Variants in TSBP1 observed in about 807,000 individuals in gnomAD.
TSBP1 encodes the protein testis-expressed basic protein 1.
A neutral mutation model predicts 68.8 loss-of-function variants in TSBP1; 56 were observed. The ratio of observed to expected loss-of-function variants is 0.81; its 90% CI spans 0.66 to 1.02. The LOEUF is 1.02. Ranked by LOEUF, TSBP1 falls within the 50% of genes least tolerant of loss-of-function variation. The pLI is 0.00. For missense variants in TSBP1, 502 were observed against 641.2 expected, an observed-to-expected ratio of 0.78 and a Z score of 2.34; for synonymous variants, 171 against 208.7, an observed-to-expected ratio of 0.82 and a Z score of 1.56.
chr6:32,362,284 G>A (rs57352279), intron 6 of TSBP1, among the ~76,000 whole-genome samples: 1,387 of 32,340 alleles, frequency 0.043, 18 homozygotes, highest in African/African-American at 0.081. Context: ...GCCAGACTCC[G>A]TCTCAAAAAA....
intron 22 of TSBP1, among the ~76,000 whole-genome samples, chr6:32,298,582 A>G (rs1463608957): frequency 1.3e-5 from 2 of 152,162 alleles, no homozygotes; most frequent in African/African-American, 2.4e-5. Context: ...TTTGTCCAAA[A>G]AAAAAAAAAT....
chr6:32,300,289 T>G (rs1184896280), intron 21 of TSBP1, among the ~76,000 whole-genome samples: 1 of 152,196 alleles, frequency 6.6e-6, no homozygotes, highest in Non-Finnish European at 1.5e-5. Flanking sequence ...GTTTGAAAAA[T>G]GTATATTGTT....
chr6:32,332,474 A>T lies in TSBP1; in HGVS notation c.473-420T>A, dbSNP rs117566794. The stretch of plus-strand genomic sequence containing the variant: ...ATATGTTCCAGAGGTAGACATTAGA[A>T]TAGGAGGTAAGAATCTAGTTTCTTC... On this transcript the variant is annotated intron_variant, in intron 14 of 22. Coordinates refer to ENST00000612031, the Ensembl canonical transcript of TSBP1. 6.7e-3 allele frequency among the ~76,000 whole-genome samples: 1,021 copies of T among 152,334 alleles called. 19 individuals are homozygous for T. The highest frequency in any genetic ancestry group is 0.02 in the East Asian group (102 of 5,192).
chr6:32,308,614 AAATT>A (rs1447357636), intron 19 of TSBP1, among the ~76,000 whole-genome samples: 1 of 94,382 alleles, frequency 1.1e-5, no homozygotes. Flanking sequence ...AAAAAAAAAA[AAATT>A]TTGCTTTTTA....
chr6:32,325,701 C>G lies in TSBP1; in HGVS notation c.515-2087G>C. The G allele has an allele frequency of 5.6e-6, 6 of 1,068,150 alleles. No homozygotes were observed. Among genetic ancestry groups the G allele is most frequent in the Non-Finnish European group, 8.6e-6 (6 of 697,460 alleles). The allele number at this position is 1,068,150 out of a possible 1,614,324, so 66.2% of individuals were successfully genotyped here. ...GATGACCATGACTCCGTGGATAAGA[C>G]TGTCATTCAGAAATACCACAGTGTG... On this transcript the variant is annotated intron_variant, in intron 16 of 22. Transcript: ENST00000612031. The surrounding 1 kb of genome is among the most constrained non-coding windows in gnomAD (Gnocchi z 4.4).
chr6:32,310,041 G>A (rs1766227014), intron 19 of TSBP1, among the ~76,000 whole-genome samples: 1 of 152,100 alleles, frequency 6.6e-6, no homozygotes, highest in Non-Finnish European at 1.5e-5. Context: ...TTAACATAAT[G>A]ACCTTCATTT....
rs974323883 is a variant in TSBP1 at position 32,335,835 on chromosome 6, T to C, written c.451+77A>G. On this transcript the variant is annotated intron_variant, in intron 13 of 22. Transcript: ENST00000612031. This position sits in a 1 kb window ranked among gnomAD's most constrained non-coding sequence, Gnocchi z 5.5. The stretch of plus-strand genomic sequence containing the variant: ...ACTCCAAACCCTTGAAATCCCAACA[T>C]GGAAACCAGGTAGCGATCCCTAAGA... The C allele has an allele frequency of 5.0e-6, 6 of 1,189,154 alleles. No homozygotes were observed. The Admixed American group carries it at 9.0e-5, about 18-fold the overall frequency. The allele number at this position is 1,189,154 out of a possible 1,614,324, so 73.7% of individuals were successfully genotyped here. A position where few individuals can be genotyped will look rare whatever the true frequency, so the allele number is the denominator to read the frequency against.
In TSBP1 at chr6:32,315,243, T is replaced by C. The variant is rs1766821525; in HGVS notation, c.580+529A>G. Among the ~76,000 whole-genome samples the C allele has an allele frequency of 6.6e-6, 1 of 152,156 alleles. No individual in the cohort carries two copies. Among genetic ancestry groups the C allele is most frequent in the South Asian group, 2.1e-4 (1 of 4,824 alleles). ...TAAAAATTGAGTCACTGTTGGTATG[T>C]GTTACCTTGGAAGTTGGGTTTAGAA... On this transcript the variant is annotated intron_variant, in intron 19 of 22. Coordinates refer to ENST00000612031, the Ensembl canonical transcript of TSBP1. The surrounding 1 kb of genome is among the most constrained non-coding windows in gnomAD (Gnocchi z 5.4).
chr6:32,339,583 A>G lies in TSBP1; in HGVS notation c.388+17T>C, dbSNP rs943601134. 4.8e-6 allele frequency: 6 copies of G among 1,245,482 alleles called. No homozygotes were observed. In the African/African-American group the frequency reaches 5.7e-5, roughly 12 times the overall value. The allele number at this position is 1,245,482 out of a possible 1,614,324, so 77.2% of individuals were successfully genotyped here. On this transcript the variant is annotated intron_variant, in intron 10 of 22. Transcript: ENST00000612031. Reference sequence around the variant, plus strand: ...GTCAGTAAAAAAAGGACTGAGTTGTATATATGGGAAACTTACAAGGAGGTT... The same window carrying G: ...GTCAGTAAAAAAAGGACTGAGTTGTGTATATGGGAAACTTACAAGGAGGTT...
chr6:32,324,490 C>T, intron 16 of TSBP1: 1 of 898,244 alleles, frequency 1.1e-6, no homozygotes, highest in South Asian at 1.4e-5. Flanking sequence ...AGTCTTAAAA[C>T]TTTCCAGTAC....
intron 14 of TSBP1, among the ~76,000 whole-genome samples, chr6:32,332,601 T>TTTTG (rs1562126436): frequency 4.0e-5 from 6 of 150,120 alleles, no homozygotes; most frequent in South Asian, 2.1e-4. Context: ...CTTCTGTTTT[T>TTTTG]TTTTGTTTTG....
At chr6:32,331,558 C>T (rs1156676637) in intron 15 of TSBP1, among the ~76,000 whole-genome samples, 1 of 152,176 alleles carries the variant, frequency 6.6e-6, no homozygotes, top group Non-Finnish European at 1.5e-5. Flanking sequence ...ACCACCTGAA[C>T]ACAAGGTGGA....
At position 32,299,247 on chromosome 6, in the gene TSBP1, G is replaced by A. The variant is rs117993148; in HGVS notation, c.637+675C>T. 6.7e-3 allele frequency among the ~76,000 whole-genome samples: 1,019 copies of A among 152,276 alleles called. 18 individuals carry two copies. The highest frequency in any genetic ancestry group is 0.02 in the East Asian group (103 of 5,176). ...AATGGGGAATAATAATACCTACCAG[G>A]CAGGCATATGGTAAGAATAAGAGAT... On this transcript the variant is annotated intron_variant, in intron 22 of 22. Transcript: ENST00000612031.
rs564206673 is a variant in TSBP1, at chr6:32,358,971, G to T, written c.218-3302C>A. Among the ~76,000 whole-genome samples the T allele has an allele frequency of 2.0e-3, 306 of 149,414 alleles. 1 individual carries two copies. The highest frequency in any genetic ancestry group is 6.9e-3 in the Middle Eastern group (2 of 290). On this transcript the variant is annotated intron_variant, in intron 6 of 22. Coordinates refer to ENST00000612031, the Ensembl canonical transcript of TSBP1. ...TTAGGGTACATGTGCACAATGTGCA[G>T]GTTAGTTACATATGTATACATGTGC... is the stretch of plus-strand genomic sequence containing the variant.
rs573114343 is a variant in TSBP1, at chr6:32,365,393, T to C, written c.217+774A>G. ...GGCTCATTTGGGGACTCAGCCTAGA[T>C]GGGAGAGTGAAATGTGTGAAAGGCA... On this transcript the variant is annotated intron_variant, in intron 6 of 22. Coordinates refer to ENST00000612031, the Ensembl canonical transcript of TSBP1. The surrounding 1 kb of genome is among the most constrained non-coding windows in gnomAD (Gnocchi z 4.3). 2.2e-6 allele frequency: 1 copy of C among 457,238 alleles called. No homozygotes were observed. Among genetic ancestry groups the C allele is most frequent in the Non-Finnish European group, 4.4e-6 (1 of 227,094 alleles). 28.3% of individuals were successfully genotyped at this position (457,238 alleles called of 1,614,324 possible).
rs535609812 is a variant in TSBP1 at position 32,340,445 on chromosome 6, C to T, written c.350-807G>A. Among the ~76,000 whole-genome samples the T allele has an allele frequency of 2.0e-5, 3 of 152,192 alleles. No homozygotes were observed. The highest frequency in any genetic ancestry group is 2.1e-4 in the South Asian group (1 of 4,818). On this transcript the variant is annotated intron_variant, in intron 9 of 22. Coordinates refer to ENST00000612031, the Ensembl canonical transcript of TSBP1. This position sits in a 1 kb window ranked among gnomAD's most constrained non-coding sequence, Gnocchi z 4.8. ...TGTTTTTCTATGTGGTATTTTAGGC[C>T]GTCAATCACTGAACTGTCAGTTTCT...
In TSBP1 at chr6:32,306,949, T is replaced by C. The variant is rs1765826470; in HGVS notation, c.581-4320A>G. Among the ~76,000 whole-genome samples the C allele has an allele frequency of 6.6e-6, 1 of 152,224 alleles. No individual in the cohort carries two copies. Among genetic ancestry groups the C allele is most frequent in the Non-Finnish European group, 1.5e-5 (1 of 68,042 alleles). On this transcript the variant is annotated intron_variant, in intron 19 of 22. Coordinates refer to ENST00000612031, the Ensembl canonical transcript of TSBP1. The surrounding 1 kb of genome is among the most constrained non-coding windows in gnomAD (Gnocchi z 5.1). The stretch of plus-strand genomic sequence containing the variant: ...TCTTATGATTTTGAGGAAATTTTGC[T>C]TTCTCTCCACATTTCTATTTTGTTC...
chr6:32,303,496 T>G (rs2127566303), intron 19 of TSBP1, among the ~76,000 whole-genome samples: 1 of 152,284 alleles, frequency 6.6e-6, no homozygotes, highest in Middle Eastern at 3.4e-3. Flanking sequence ...ATCTGCCTTT[T>G]TTTTTGAAAA....
chr6:32,330,204 T>C (rs935603429), intron 16 of TSBP1, among the ~76,000 whole-genome samples: 1 of 152,218 alleles, frequency 6.6e-6, no homozygotes, highest in Non-Finnish European at 1.5e-5. Context: ...TTTGTATTTA[T>C]TCTTAAAATT....
Sources: gnomAD v4.1 joint callset for allele counts (sites outside exome capture counted in the v4.1 genomes callset) on GRCh38, gnomAD v4.1.1 for gene constraint, Gnocchi (gnomAD v3.1) non-coding constraint, MANE v1.5 for transcripts, NCBI Gene and HGNC (gene_info 2026-07-23, HGNC 2026-07-21) for gene names.